Variants in MALRD1 observed in about 807,000 individuals in gnomAD.
MALRD1 encodes the protein MAM and LDL-receptor class A domain-containing protein 1.
MALRD1 carries 247 observed loss-of-function variants against 242.1 expected under a neutral mutation model. The observed-to-expected ratio is 1.02, with a 90% CI of 0.92 to 1.13. The LOEUF is 1.13. MALRD1 is among the 50% of genes most tolerant of loss of function. The pLI, the probability that MALRD1 is intolerant of heterozygous loss-of-function variation, is 0.00. For synonymous variants in MALRD1, 995 were observed against 866.6 expected (o/e 1.15, Z -2.60); for missense variants, 2,989 against 2,533.1 (o/e 1.18, Z -3.86).
At chr10:19,290,305 A>G (rs1200101898) in intron 21 of MALRD1, 1 of 152,198 alleles carries the variant, frequency 6.6e-6, no homozygotes, top group Non-Finnish European at 1.5e-5. Flanking sequence ...TAATTTTTAC[A>G]TGAATTAGAA....
chr10:19,204,964 C>T lies in MALRD1; in HGVS notation c.2277C>T (p.Asp759=), dbSNP rs1836720990. The T allele has an allele frequency of 6.4e-7, 1 of 1,550,530 alleles. No homozygotes were observed. Among genetic ancestry groups the T allele is most frequent in the South Asian group, 1.2e-5 (1 of 84,064 alleles). The change falls in exon 17 of 40, where the codon GAC becomes GAT. Residue 759 remains aspartate (D), a synonymous_variant. Coordinates refer to ENST00000454679, the MANE Select transcript of MALRD1 (RefSeq NM_001142308.3). ...ELQLHMENSH[D]STVIWRVLYN... ...AGCTACATATGGAAAATTCTCATGA[C>T]TCAACAGTGATTTGGAGAGTATTAT...
chr10:19,348,151 T>C (rs943749691), intron 25 of MALRD1, 133 bp downstream of exon 25: 93 of 1,223,114 alleles, frequency 7.6e-5, no homozygotes, highest in Non-Finnish European at 9.9e-5. Context: ...ACTTTGGATA[T>C]GTGAAGGGGG....
intron 12 of MALRD1, among the ~76,000 whole-genome samples, chr10:19,163,488 C>T (rs55731106): frequency 1.6e-3 from 233 of 146,044 alleles, no homozygotes; most frequent in African/African-American, 5.7e-3. Flanking sequence ...ACAACAGACA[C>T]GGGGGTCTAC....
chr10:19,429,055 CTAGTATATGG>C (rs1834015962), intron 28 of MALRD1, among the ~76,000 whole-genome samples: 1 of 152,172 alleles, frequency 6.6e-6, no homozygotes, highest in Non-Finnish European at 1.5e-5. Context: ...GCTATTACAC[CTAGTATATGG>C]TATGTGTACT....
intron 21 of MALRD1, among the ~76,000 whole-genome samples, chr10:19,314,819 A>T (rs980581599): frequency 2.0e-5 from 3 of 151,338 alleles, no homozygotes; most frequent in Non-Finnish European, 4.4e-5. Flanking sequence ...TTTACCAAAA[A>T]AATTTCTGAC....
At chr10:19,568,531 A>T (rs1176947417) in intron 33 of MALRD1, among the ~76,000 whole-genome samples, 1 of 152,132 alleles carries the variant, frequency 6.6e-6, no homozygotes, top group East Asian at 1.9e-4. Flanking sequence ...TCTAATAACC[A>T]GTGTGAGCCT....
intron 21 of MALRD1, among the ~76,000 whole-genome samples, chr10:19,302,716 G>A (rs1889517): frequency 0.13 from 19,933 of 151,614 alleles, 1,561 homozygotes; most frequent in South Asian, 0.32. Context: ...AATTCTCTAC[G>A]TTGTATACTT....
rs771153350 is a variant in MALRD1 at position 19,510,136 on chromosome 10, C to T, written c.5320+11490C>T. Among the ~76,000 whole-genome samples, 7 of 152,288 alleles carry T rather than the reference C, an allele frequency of 4.6e-5. No homozygotes were observed. In the East Asian group the frequency reaches 5.8e-4, roughly 13 times the overall value. On this transcript the variant is annotated intron_variant, in intron 31 of 39. Transcript: ENST00000454679. ...GTGCTGTGCTTTTGATGTGCACGTA[C>T]GTAAACATCTCAATGCCTTAAAGAG...
At chr10:19,401,581 T>C (rs936852181) in intron 28 of MALRD1, among the ~76,000 whole-genome samples, 1 of 152,174 alleles carries the variant, frequency 6.6e-6, no homozygotes, top group African/African-American at 2.4e-5. Flanking sequence ...TCAACTTAGT[T>C]GCTAGATATT....
rs1333466573 is a variant in MALRD1, at chr10:19,312,427, TGA to T, written c.3420-11508_3420-11507del. Reference sequence around the variant, plus strand: ...GTGTATATGTGTGTGTGTGTGTGTGTGAGAGAGAGAGAGAGTTTGTGTATATG... The same window carrying T: ...GTGTATATGTGTGTGTGTGTGTGTGTGAGAGAGAGAGAGTTTGTGTATATG... On this transcript the variant is annotated intron_variant, in intron 21 of 39. Transcript: ENST00000454679. 7.4e-3 allele frequency among the ~76,000 whole-genome samples: 1,082 copies of T among 147,054 alleles called. 15 individuals are homozygous for T. Among genetic ancestry groups the T allele is most frequent in the African/African-American group, 0.025 (989 of 40,024 alleles).
In MALRD1 at chr10:19,184,486, T is replaced by C. The variant is rs1835651076; in HGVS notation, c.1951+9158T>C. Among the ~76,000 whole-genome samples, 5 of 152,218 alleles carry C rather than the reference T, an allele frequency of 3.3e-5. No individual in the cohort carries two copies. In the South Asian group the frequency reaches 1.0e-3, roughly 31 times the overall value. ...GATCAAAATTGTTACTCTGAATTGT[T>C]TCTTTAGGATAGATCATAAAAAGGG... On this transcript the variant is annotated intron_variant, in intron 14 of 39. Transcript: ENST00000454679.
chr10:19,473,388 A>G (rs1255528137), intron 29 of MALRD1, among the ~76,000 whole-genome samples: 1 of 151,978 alleles, frequency 6.6e-6, no homozygotes, highest in Non-Finnish European at 1.5e-5. Context: ...CCTTAAGTAC[A>G]TTTACATTGT....
At chr10:19,306,624 A>C (rs1842221253) in intron 21 of MALRD1, among the ~76,000 whole-genome samples, 1 of 150,408 alleles carries the variant, frequency 6.6e-6, no homozygotes, top group Admixed American at 6.7e-5. Flanking sequence ...TATGTACTTA[A>C]ATGAAGGTAT....
intron 1 of MALRD1, among the ~76,000 whole-genome samples, chr10:19,061,250 G>C (rs1834814254): frequency 6.6e-6 from 1 of 152,110 alleles, no homozygotes; most frequent in South Asian, 2.1e-4. Context: ...CTTTTATATT[G>C]AAAACTATGT....
chr10:19,649,715 C>T lies in MALRD1; in HGVS notation c.6137+33792C>T, dbSNP rs374798378. On this transcript the variant is annotated intron_variant, in intron 36 of 39. Transcript: ENST00000454679. ...TCTGTTAATAGTTTCTTTTGCTGTGCAGAAGCTCTTTAGTTTAGATACCAT... is the reference window on the plus strand; with the variant it reads ...TCTGTTAATAGTTTCTTTTGCTGTGTAGAAGCTCTTTAGTTTAGATACCAT... Among the ~76,000 whole-genome samples, 33 of 152,256 alleles carry T rather than the reference C, an allele frequency of 2.2e-4. 1 individual carries two copies. Among genetic ancestry groups the T allele is most frequent in the African/African-American group, 7.5e-4 (31 of 41,570 alleles).
At chr10:19,445,934 G>A (rs573042755) in intron 28 of MALRD1, among the ~76,000 whole-genome samples, 1 of 152,290 alleles carries the variant, frequency 6.6e-6, no homozygotes, top group African/African-American at 2.4e-5. Flanking sequence ...CTTGAGCTGT[G>A]GTGGGCTCCA....
At chr10:19,489,419 C>G (rs1837384357) in intron 29 of MALRD1, 1 of 569,726 alleles carries the variant, frequency 1.8e-6, no homozygotes, top group East Asian at 4.8e-5. Context: ...TGTACCATGT[C>G]TTATCAGTGG....
intron 34 of MALRD1, among the ~76,000 whole-genome samples, chr10:19,596,058 G>C (rs1361472088): frequency 6.6e-6 from 1 of 152,078 alleles, no homozygotes; most frequent in East Asian, 1.9e-4. Flanking sequence ...TTGTCATCCA[G>C]GTGTTGAATT....
chr10:19,169,930 A>G (rs984996984), intron 13 of MALRD1, among the ~76,000 whole-genome samples: 1 of 152,206 alleles, frequency 6.6e-6, no homozygotes, highest in African/African-American at 2.4e-5. Flanking sequence ...AATATTGGAA[A>G]GAAGAAAGAC....
Sources: gnomAD v4.1 joint callset for allele counts (sites outside exome capture counted in the v4.1 genomes callset) on GRCh38, gnomAD v4.1.1 for gene constraint, MANE v1.5 for transcripts, NCBI Gene and HGNC (gene_info 2026-07-23, HGNC 2026-07-21) for gene names.